Variants in MYH10 observed in about 807,000 individuals in gnomAD.
The protein encoded by MYH10 is myosin-10.
A neutral mutation model predicts 257.8 loss-of-function variants in MYH10; 55 were observed. The ratio of observed to expected loss-of-function variants is 0.21; its 90% CI spans 0.17 to 0.27. The LOEUF (loss-of-function observed/expected upper bound fraction) is 0.27, where lower values mean the gene tolerates loss of function less well. Ranked by LOEUF, MYH10 falls within the 10% of genes least tolerant of loss-of-function variation. The pLI, the probability that MYH10 is intolerant of heterozygous loss-of-function variation, is 1.00. For synonymous variants in MYH10, 854 were observed against 921.7 expected, an observed-to-expected ratio of 0.93 and a Z score of 1.33; for missense variants, 1,631 against 2,500.6, an observed-to-expected ratio of 0.65 and a Z score of 7.42.
intron 17 of MYH10, among the ~76,000 whole-genome samples, chr17:8,528,302 C>A (rs1464768727): frequency 6.6e-6 from 1 of 152,166 alleles, no homozygotes; most frequent in Non-Finnish European, 1.5e-5. Context: ...CCCCTTTAGT[C>A]CAAAAGCCCT....
chr17:8,572,660 G>A lies in MYH10; in HGVS notation c.664-2848C>T, dbSNP rs77389147. 4.8e-3 allele frequency among the ~76,000 whole-genome samples: 732 copies of A among 152,252 alleles called. 1 individual carries two copies. The highest frequency in any genetic ancestry group is 7.2e-3 in the Non-Finnish European group (492 of 68,024). ...GATGGTGGTGAGCCAAAGGCAGCAAGAAGATTTATGGGTCCTCAGAGTCAC... is the reference window on the plus strand; with the variant it reads ...GATGGTGGTGAGCCAAAGGCAGCAAAAAGATTTATGGGTCCTCAGAGTCAC... On this transcript the variant is annotated intron_variant, in intron 6 of 42. Coordinates refer to ENST00000360416, the MANE Select transcript of MYH10 (RefSeq NM_001256012.3).
intron 16 of MYH10, among the ~76,000 whole-genome samples, chr17:8,531,758 CAT>C (rs754813120): frequency 1.6e-4 from 24 of 152,214 alleles, no homozygotes; most frequent in Non-Finnish European, 2.8e-4. Flanking sequence ...AAACTATATT[CAT>C]ATATCATATA....
chr17:8,491,536 G>A (rs1157232393), intron 34 of MYH10, among the ~76,000 whole-genome samples: 2 of 152,206 alleles, frequency 1.3e-5, no homozygotes, highest in East Asian at 3.8e-4. Flanking sequence ...CCTTTTTAGA[G>A]GACTTTGTGT....
intron 23 of MYH10, among the ~76,000 whole-genome samples, chr17:8,513,183 GT>G (rs1475955998): frequency 6.6e-6 from 1 of 152,120 alleles, no homozygotes; most frequent in Non-Finnish European, 1.5e-5. Flanking sequence ...CAAGCATCTC[GT>G]CCTTTGACCA....
At chr17:8,601,397 C>T (rs1170236479) in intron 3 of MYH10, among the ~76,000 whole-genome samples, 1 of 152,244 alleles carries the variant, frequency 6.6e-6, no homozygotes, top group Non-Finnish European at 1.5e-5. Context: ...CTTTCCATGT[C>T]ATGTTGCCCT....
In MYH10 at chr17:8,576,786, T is replaced by C. The variant is rs2083514077; in HGVS notation, c.634-114A>G. On this transcript the variant is annotated intron_variant, in intron 5 of 42. Coordinates refer to ENST00000360416, the MANE Select transcript of MYH10 (RefSeq NM_001256012.3). The stretch of plus-strand genomic sequence containing the variant: ...GCAGTTGAGAACTGTGGAAGCTGGG[T>C]TGGCTGGCGTTCTCTCAGGCTGTAT... 5 of 939,514 alleles carry C rather than the reference T, an allele frequency of 5.3e-6. No homozygotes were observed. The East Asian group carries it at 1.1e-4, about 20-fold the overall frequency. The allele number at this position is 939,514 out of a possible 1,614,324, so 58.2% of individuals were successfully genotyped here. A position where few individuals can be genotyped will look rare whatever the true frequency, so the allele number is the denominator to read the frequency against.
intron 7 of MYH10, among the ~76,000 whole-genome samples, chr17:8,557,790 A>G (rs2082856488): frequency 6.6e-6 from 1 of 152,228 alleles, no homozygotes; most frequent in African/African-American, 2.4e-5. Context: ...ACAAATGGCA[A>G]AAACAATATT....
chr17:8,548,246 G>C (rs1453687121), intron 11 of MYH10, 67 bp downstream of exon 11: 8 of 1,277,836 alleles, frequency 6.3e-6, no homozygotes, highest in Non-Finnish European at 8.9e-6. Context: ...CGCTTGCACT[G>C]TAACACCTTC....
intron 7 of MYH10, among the ~76,000 whole-genome samples, chr17:8,562,768 T>A (rs1336333296): frequency 6.6e-6 from 1 of 152,204 alleles, no homozygotes; most frequent in South Asian, 2.1e-4. Context: ...ACAACTAGAA[T>A]TCTCTCATAT....
intron 17 of MYH10, among the ~76,000 whole-genome samples, chr17:8,526,078 A>T (rs1352850218): frequency 1.3e-5 from 2 of 152,210 alleles, no homozygotes; most frequent in Non-Finnish European, 2.9e-5. Flanking sequence ...GGCGTGAGCC[A>T]CCGCGCCCAG....
intron 3 of MYH10, among the ~76,000 whole-genome samples, chr17:8,598,159 C>A (rs1302974327): frequency 6.6e-6 from 1 of 152,126 alleles, no homozygotes; most frequent in African/African-American, 2.4e-5. Flanking sequence ...ATTTGACAGA[C>A]CTGACCACTA....
At chr17:8,480,025 A>AGCCC (rs1913417672) in intron 40 of MYH10, 85 bp downstream of exon 40, 2 of 1,226,066 alleles carry the variant, frequency 1.6e-6, no homozygotes, top group Admixed American at 4.0e-5. Flanking sequence ...CGTGGTGGGG[A>AGCCC]GCCCCCCCGA....
chr17:8,499,192 T>C, intron 30 of MYH10, 78 bp downstream of exon 30: 1 of 1,442,210 alleles, frequency 6.9e-7, no homozygotes, highest in Non-Finnish European at 9.5e-7. Flanking sequence ...ATGGGTCTCT[T>C]ATTGCACAGA....
Position 8,569,805 on chromosome 17 carries a change from A to G in MYH10, c.671T>C (p.Leu224Pro), listed in dbSNP as rs769485047. ...ATTTGCTTGCAAAAGCTGCCGTTCA[A>G]GTTCCCCCTAAAAGACATTACACAC... ...SPKPVKHQGE[L>P]ERQLLQANPI... is the part of the protein sequence containing the mutation. The change falls in exon 7 of 43, where the codon CTT (leucine) becomes CCT (proline). Residue 224 changes from leucine (L) to proline (P), a missense_variant. Around this residue, in one of 11 missense-constraint regions of MYH10, gnomAD observed 360 missense variants for 581.9 expected, o/e 0.62. Coordinates refer to ENST00000360416, the MANE Select transcript of MYH10 (RefSeq NM_001256012.3). This position sits in a 1 kb window ranked among gnomAD's most constrained non-coding sequence, Gnocchi z 4.1. 1 of 1,610,580 alleles carries G rather than the reference A, an allele frequency of 6.2e-7. No homozygotes were observed. Among genetic ancestry groups the G allele is most frequent in the South Asian group, 1.1e-5 (1 of 90,330 alleles).
At chr17:8,508,704 GA>G in intron 25 of MYH10, 27 bp from the exon 26 acceptor site, 1 of 1,612,340 alleles carries the variant, frequency 6.2e-7, no homozygotes. Context: ...GACTGCTTCA[GA>G]AAAGCCATTC....
intron 38 of MYH10, among the ~76,000 whole-genome samples, chr17:8,481,075 CCCCTGCGGTGTG>C (rs1913691065): frequency 2.4e-5 from 2 of 82,078 alleles, no homozygotes; most frequent in Admixed American, 2.7e-4. Flanking sequence ...CCACGGCTCC[CCCCTGCGGTGTG>C]CAGGGCTCAG....
At chr17:8,553,307 G>A (rs1490764796) in intron 8 of MYH10, among the ~76,000 whole-genome samples, 1 of 152,160 alleles carries the variant, frequency 6.6e-6, no homozygotes, top group Non-Finnish European at 1.5e-5. Context: ...TTGAAGGATA[G>A]AAATAATGTA....
intron 4 of MYH10, among the ~76,000 whole-genome samples, chr17:8,588,294 C>T (rs1043434567): frequency 6.6e-6 from 1 of 152,126 alleles, no homozygotes; most frequent in Non-Finnish European, 1.5e-5. Context: ...TCCTGAGCTC[C>T]AAACCCACAT....
intron 40 of MYH10, among the ~76,000 whole-genome samples, chr17:8,479,314 T>G (rs1597588784): frequency 1.3e-5 from 2 of 152,266 alleles, no homozygotes; most frequent in Non-Finnish European, 2.9e-5. Context: ...TGCATCTACG[T>G]CGTCCCATAT....
Sources: allele counts gnomAD v4.1 joint callset (sites outside exome capture counted in the v4.1 genomes callset), GRCh38; gene constraint gnomAD v4.1.1; regional missense constraint gnomAD v4.1.1; non-coding constraint Gnocchi (gnomAD v3.1); transcripts MANE v1.5; gene names NCBI Gene and HGNC (gene_info 2026-07-23, HGNC 2026-07-21).